Variants in IFT43 observed in about 807,000 individuals in gnomAD.
IFT43 encodes the protein intraflagellar transport 43.
In IFT43, 33 loss-of-function variants were observed where a neutral mutation model predicts 32.3. The observed-to-expected ratio is 1.02, with a 90% confidence interval of 0.77 to 1.37. The LOEUF (loss-of-function observed/expected upper bound fraction) is 1.37, where lower values mean the gene tolerates loss of function less well. Among genes scored for constraint, IFT43 ranks in the 40% most tolerant of loss-of-function variants. The probability of loss-of-function intolerance (pLI) is 0.00; values close to 1 mark genes in which losing one functional copy is unlikely to be tolerated. For missense variants in IFT43, 274 were observed against 265.9 expected, an observed-to-expected ratio of 1.03 and a Z score of -0.21; for synonymous variants, 93 against 98.2, an observed-to-expected ratio of 0.95 and a Z score of 0.31.
intron 2 of IFT43, among the ~76,000 whole-genome samples, chr14:76,003,471 C>T (rs889668508): frequency 1.3e-5 from 2 of 151,844 alleles, no homozygotes; most frequent in African/African-American, 2.4e-5. Context: ...ACTAAAAATA[C>T]AAAAATTAGC....
At position 76,059,360 on chromosome 14, in the gene IFT43, A is replaced by G. The variant is rs1052763586; in HGVS notation, c.282A>G (p.Ser94=). 1.2e-6 allele frequency: 2 copies of G among 1,613,948 alleles called. No individual in the cohort carries two copies. Among genetic ancestry groups the G allele is most frequent in the African/African-American group, 2.7e-5 (2 of 74,922 alleles). The change falls in exon 5 of 9, where the codon TCA becomes TCG. Residue 94 remains serine (S), a synonymous_variant. Transcript: ENST00000314067. ...TCAGACCACAGAGCCTGAATGGATC[A>G]GATTATGGAGGAGGTAAGAGGCCCT... ...FRLRPQSLNG[S]DYGGDIPIIP... is the part of the protein sequence containing the mutation.
chr14:76,040,886 C>A (rs572863357), intron 3 of IFT43, among the ~76,000 whole-genome samples: 6 of 152,204 alleles, frequency 3.9e-5, no homozygotes, highest in Middle Eastern at 3.2e-3. Flanking sequence ...GATGAACTTG[C>A]TGCCTGTGCA....
intron 5 of IFT43, among the ~76,000 whole-genome samples, chr14:76,078,231 C>A (rs2037444951): frequency 6.6e-6 from 1 of 152,186 alleles, no homozygotes; most frequent in South Asian, 2.1e-4. Context: ...GACTGGGTCT[C>A]ACGGAAGGGA....
intron 3 of IFT43, among the ~76,000 whole-genome samples, chr14:76,026,013 A>G (rs534496983): frequency 2.0e-4 from 30 of 152,316 alleles, no homozygotes; most frequent in African/African-American, 7.0e-4. Flanking sequence ...TGAGCAGACA[A>G]CCTAGAGAAT....
intron 5 of IFT43, among the ~76,000 whole-genome samples, chr14:76,077,523 C>T (rs1431572023): frequency 1.3e-5 from 2 of 152,160 alleles, no homozygotes; most frequent in East Asian, 3.8e-4. Context: ...GCATTGCTGT[C>T]AGCTAGTTCA....
intron 2 of IFT43, among the ~76,000 whole-genome samples, chr14:76,012,465 T>TTG (rs1358343705): frequency 6.6e-6 from 1 of 152,222 alleles, no homozygotes; most frequent in East Asian, 1.9e-4. Flanking sequence ...AGGCTCCTTT[T>TTG]TGTAGAAAGC....
intron 5 of IFT43, among the ~76,000 whole-genome samples, chr14:76,065,397 A>G (rs928744140): frequency 2.4e-4 from 36 of 152,368 alleles, no homozygotes; most frequent in African/African-American, 8.7e-4. Flanking sequence ...ATTAAAGTAT[A>G]CAATTTAGGT....
intron 2 of IFT43, among the ~76,000 whole-genome samples, chr14:76,009,857 C>T (rs1400406556): frequency 1.3e-5 from 2 of 151,680 alleles, no homozygotes; most frequent in African/African-American, 4.9e-5. Context: ...TGCAGTGATG[C>T]AATCTCAGCT....
rs372102146 is a variant in IFT43 at position 75,990,280 on chromosome 14, G to C, written c.147+1303G>C. 1.2e-3 allele frequency among the ~76,000 whole-genome samples: 185 copies of C among 152,316 alleles called. 6 individuals carry two copies. The South Asian group carries it at 0.036, about 30-fold the overall frequency. On this transcript the variant is annotated intron_variant, in intron 2 of 8. Coordinates refer to ENST00000314067, the MANE Select transcript of IFT43 (RefSeq NM_001102564.3). ...TATGTGAAAGCAACACATTTTTAGAGGTTAGCACCTGATTAAGAAAACCTA... is the reference window on the plus strand; with the variant it reads ...TATGTGAAAGCAACACATTTTTAGACGTTAGCACCTGATTAAGAAAACCTA...
chr14:76,022,260 A>G, intron 2 of IFT43, 67 bp from the exon 3 acceptor site: 5 of 1,422,010 alleles, frequency 3.5e-6, no homozygotes, highest in Non-Finnish European at 5.0e-6. Context: ...CAAAAAATAG[A>G]AAATAAAAAA....
At chr14:76,042,240 A>G (rs529156294) in intron 3 of IFT43, among the ~76,000 whole-genome samples, 1 of 151,906 alleles carries the variant, frequency 6.6e-6, no homozygotes, top group East Asian at 1.9e-4. Context: ...CTGCTTGCAG[A>G]TGAGGAAACT....
intron 2 of IFT43, 106 bp downstream of exon 2, chr14:75,989,083 C>A (rs751797730): frequency 3.0e-6 from 4 of 1,335,822 alleles, no homozygotes; most frequent in Non-Finnish European, 4.2e-6. Flanking sequence ...TGAATGCCAA[C>A]CCTTTCTCCT....
At chr14:76,054,746 G>A (rs1388839672) in intron 3 of IFT43, among the ~76,000 whole-genome samples, 1 of 152,138 alleles carries the variant, frequency 6.6e-6, no homozygotes, top group East Asian at 1.9e-4. Context: ...GAAATAAACC[G>A]GCAGCCCAAG....
At chr14:75,999,239 AT>A (rs1462016016) in intron 2 of IFT43, among the ~76,000 whole-genome samples, 2 of 9,604 alleles carry the variant, frequency 2.1e-4, no homozygotes, top group African/African-American at 1.2e-3. Flanking sequence ...ATATATATAT[AT>A]ATATATATAT....
intron 3 of IFT43, among the ~76,000 whole-genome samples, chr14:76,027,349 C>CACTTT (rs71122512): frequency 6.8e-6 from 1 of 146,794 alleles, no homozygotes; most frequent in Non-Finnish European, 1.5e-5. Flanking sequence ...CACACACACA[C>CACTTT]TTTTTCCCAA....
chr14:76,027,126 C>G (rs1052616300), intron 3 of IFT43, among the ~76,000 whole-genome samples: 2 of 152,078 alleles, frequency 1.3e-5, no homozygotes, highest in Non-Finnish European at 2.9e-5. Flanking sequence ...AAAATAACTA[C>G]TGGGTACTAG....
intron 2 of IFT43, among the ~76,000 whole-genome samples, chr14:75,991,386 A>G (rs1363054389): frequency 2.1e-5 from 2 of 95,918 alleles, no homozygotes; most frequent in East Asian, 5.9e-4. Context: ...AATATTAACA[A>G]GAGTGTGTGT....
At chr14:75,992,752 G>A (rs1235919799) in intron 2 of IFT43, among the ~76,000 whole-genome samples, 2 of 152,072 alleles carry the variant, frequency 1.3e-5, no homozygotes, top group Non-Finnish European at 2.9e-5. Flanking sequence ...TGTTGCCCAG[G>A]CTGGTCTCAA....
At chr14:76,076,991 A>C (rs548467700) in intron 5 of IFT43, among the ~76,000 whole-genome samples, 1 of 152,000 alleles carries the variant, frequency 6.6e-6, no homozygotes, top group African/African-American at 2.4e-5. Flanking sequence ...ATCTAGTATC[A>C]AAATGGGTTT....
Sources: gnomAD v4.1 joint callset for allele counts (sites outside exome capture counted in the v4.1 genomes callset) on GRCh38, gnomAD v4.1.1 for gene constraint, MANE v1.5 for transcripts, NCBI Gene and HGNC (gene_info 2026-07-23, HGNC 2026-07-21) for gene names.